Variants in JMJD1C observed in about 807,000 individuals in gnomAD.
JMJD1C encodes jumonji domain-containing protein 1C.
Under a neutral mutation model 245.3 loss-of-function variants are expected in JMJD1C, and 31 were observed. The observed-to-expected ratio is 0.13, with a 90% CI of 0.09 to 0.17. The LOEUF (loss-of-function observed/expected upper bound fraction) is 0.17, where lower values mean the gene tolerates loss of function less well. JMJD1C is among the 10% of genes least tolerant of loss of function. The pLI, the probability that JMJD1C is intolerant of heterozygous loss-of-function variation, is 1.00. For synonymous variants in JMJD1C, 1,057 were observed against 1,017.4 expected (o/e 1.04, Z -0.74); for missense variants, 2,691 against 3,000.2 (o/e 0.90, Z 2.41).
intron 2 of JMJD1C, chr10:63,380,090 C>T (rs939063342): frequency 1.6e-4 from 77 of 492,472 alleles, no homozygotes; most frequent in Middle Eastern, 5.8e-4. Flanking sequence ...CAGGTATGTG[C>T]CACCACATCC....
At chr10:63,474,712 A>C (rs1355453251) in intron 1 of JMJD1C, among the ~76,000 whole-genome samples, 1 of 152,166 alleles carries the variant, frequency 6.6e-6, no homozygotes, top group Non-Finnish European at 1.5e-5. Flanking sequence ...AGCCTCCCAA[A>C]GTGCTGGGAC....
intron 3 of JMJD1C, among the ~76,000 whole-genome samples, chr10:63,245,762 C>T (rs574195560): frequency 9.0e-4 from 137 of 152,262 alleles, no homozygotes; most frequent in Middle Eastern, 3.4e-3. Context: ...GGATTACAGG[C>T]GTGAGCCACC....
intron 2 of JMJD1C, among the ~76,000 whole-genome samples, chr10:63,307,400 G>A (rs1039691290): frequency 6.6e-6 from 1 of 152,126 alleles, no homozygotes; most frequent in Non-Finnish European, 1.5e-5. Context: ...TTAAGATGGC[G>A]AATCATATAC....
intron 3 of JMJD1C, among the ~76,000 whole-genome samples, chr10:63,238,279 GTAT>G (rs1851029995): frequency 6.6e-6 from 1 of 150,796 alleles, no homozygotes; most frequent in Admixed American, 6.6e-5. Flanking sequence ...TTTAAGGAAG[GTAT>G]TATCCATAGT....
At chr10:63,382,615 T>C (rs556833453) in intron 1 of JMJD1C, among the ~76,000 whole-genome samples, 2 of 152,266 alleles carry the variant, frequency 1.3e-5, no homozygotes, top group Admixed American at 1.3e-4. Flanking sequence ...ATCAAAAGCA[T>C]TTCCTTTAAG....
chr10:63,470,268 C>CATGAATGAATGA (rs58667981), upstream of JMJD1C, among the ~76,000 whole-genome samples: 22 of 152,062 alleles, frequency 1.4e-4, no homozygotes, highest in African/African-American at 4.1e-4. Context: ...CATGTTATAG[C>CATGAATGAATGA]ATGAATGAAT....
At chr10:63,323,048 A>G (rs1189083303) in intron 2 of JMJD1C, among the ~76,000 whole-genome samples, 1 of 152,064 alleles carries the variant, frequency 6.6e-6, no homozygotes, top group Non-Finnish European at 1.5e-5. Flanking sequence ...TGTTGAACAA[A>G]AAGTAGAGAA....
intron 1 of JMJD1C, among the ~76,000 whole-genome samples, chr10:63,428,345 A>G (rs1298080919): frequency 3.3e-5 from 5 of 152,244 alleles, no homozygotes. Flanking sequence ...TTGCATTAAT[A>G]TTGACAAAAG....
chr10:63,487,004 TC>T (rs1225777106), intron 1 of JMJD1C, among the ~76,000 whole-genome samples: 4 of 152,214 alleles, frequency 2.6e-5, no homozygotes, highest in Non-Finnish European at 5.9e-5. Flanking sequence ...AAGCCAGAAC[TC>T]AGATTTAGGT....
In JMJD1C at chr10:63,214,830, GCTT is replaced by G. The variant is rs1353410484; in HGVS notation, c.1334_1336del (p.Glu445del). ...AGTGTCAACAGACTTCCGCTTCTCTGCTTCTTCATGTTTTTTATCTTCCTGTAT... is the reference window on the plus strand; with the variant it reads ...AGTGTCAACAGACTTCCGCTTCTCTGCTTCATGTTTTTTATCTTCCTGTAT... On this transcript the variant is annotated inframe_deletion, in exon 8 of 26. Transcript: ENST00000399262. 3 of 1,613,592 alleles carry G rather than the reference GCTT, an allele frequency of 1.9e-6. No individual in the cohort carries two copies. Among genetic ancestry groups the G allele is most frequent in the South Asian group, 1.1e-5 (1 of 91,080 alleles).
intron 3 of JMJD1C, among the ~76,000 whole-genome samples, chr10:63,254,380 T>C (rs1223367083): frequency 6.6e-6 from 1 of 152,106 alleles, no homozygotes; most frequent in Non-Finnish European, 1.5e-5. Flanking sequence ...GGCAATAAAA[T>C]TCAGGAAAAA....
At chr10:63,406,548 TTTCCC>T (rs1336517392) in intron 1 of JMJD1C, among the ~76,000 whole-genome samples, 1 of 152,162 alleles carries the variant, frequency 6.6e-6, no homozygotes, top group Non-Finnish European at 1.5e-5. Context: ...GGTAATTTTA[TTTCCC>T]TACAAGTGAT....
chr10:63,211,488 T>C (rs1847329135), intron 8 of JMJD1C, among the ~76,000 whole-genome samples: 1 of 148,718 alleles, frequency 6.7e-6, no homozygotes, highest in South Asian at 2.1e-4. Context: ...AAAAAGTTTA[T>C]CTATCACAAC....
At chr10:63,293,453 C>G (rs984563756) in intron 2 of JMJD1C, among the ~76,000 whole-genome samples, 23 of 152,190 alleles carry the variant, frequency 1.5e-4, no homozygotes, top group African/African-American at 5.5e-4. Context: ...ACATTCACTG[C>G]TACCATTCTC....
intron 1 of JMJD1C, among the ~76,000 whole-genome samples, chr10:63,440,781 G>A (rs1342600453): frequency 6.6e-6 from 1 of 152,110 alleles, no homozygotes; most frequent in Non-Finnish European, 1.5e-5. Context: ...AACACTAAGT[G>A]TGCACAACCA....
intron 24 of JMJD1C, among the ~76,000 whole-genome samples, chr10:63,173,832 C>CAA (rs35447916): frequency 5.3e-5 from 8 of 151,678 alleles, no homozygotes; most frequent in African/African-American, 9.7e-5. Context: ...CAGAAATTGG[C>CAA]AAAAAACACT....
At chr10:63,350,315 T>C (rs1222129914) in intron 2 of JMJD1C, among the ~76,000 whole-genome samples, 1 of 152,180 alleles carries the variant, frequency 6.6e-6, no homozygotes, top group African/African-American at 2.4e-5. Context: ...TTTAAAATCC[T>C]TACCTGATTG....
chr10:63,380,149 GC>G, intron 2 of JMJD1C, 168 bp downstream of exon 2: 1 of 457,948 alleles, frequency 2.2e-6, no homozygotes, highest in Non-Finnish European at 3.7e-6. Flanking sequence ...TCGCTTTTTT[GC>G]CCAGGCTGAT....
chr10:63,348,239 CA>C (rs1378724272), intron 2 of JMJD1C, among the ~76,000 whole-genome samples: 1 of 148,752 alleles, frequency 6.7e-6, no homozygotes. Context: ...CAAATGTCAT[CA>C]AGACATCAAA....
Sources: allele counts gnomAD v4.1 joint callset (sites outside exome capture counted in the v4.1 genomes callset), GRCh38; gene constraint gnomAD v4.1.1; transcripts MANE v1.5; gene names NCBI Gene and HGNC (gene_info 2026-07-23, HGNC 2026-07-21).